FREM2: variants seen among roughly 807,000 people sequenced by gnomAD.
The protein encoded by FREM2 is FRAS1 related extracellular matrix 2, also known as FRAS1-related extracellular matrix protein 2.
FREM2 carries 119 observed loss-of-function variants against 219.9 expected under a neutral mutation model. The ratio of observed to expected loss-of-function variants is 0.54; its 90% CI spans 0.47 to 0.63. The LOEUF is 0.63. Among genes scored for constraint, FREM2 ranks in the 30% least tolerant of loss-of-function variants. The pLI, the probability that FREM2 is intolerant of heterozygous loss-of-function variation, is 0.00. For missense variants in FREM2, 4,030 were observed against 3,993.6 expected (o/e 1.01, Z -0.25); for synonymous variants, 1,562 against 1,522.8 (o/e 1.03, Z -0.60).
chr13:38,846,474 T>A (rs915304526), intron 6 of FREM2, 99 bp from the exon 7 acceptor site: 4 of 1,217,288 alleles, frequency 3.3e-6, no homozygotes, highest in Non-Finnish European at 4.8e-6. Context: ...TATAAGGAAG[T>A]CCCTAAGAGG....
chr13:38,688,252 T>A lies in FREM2; in HGVS notation c.908T>A (p.Phe303Tyr). ...VGSPALKREHFQVLVRIRGGA... is the reference protein window; with the variant it reads ...VGSPALKREHYQVLVRIRGGA... Reference sequence around the variant, plus strand: ...AGCCCTGCTTTGAAACGCGAGCACTTCCAGGTTCTGGTGAGGATCCGAGGA... The same window carrying A: ...AGCCCTGCTTTGAAACGCGAGCACTACCAGGTTCTGGTGAGGATCCGAGGA... Residue 303 changes from phenylalanine to tyrosine, a missense_variant, in exon 1 of 24, where the codon TTC becomes TAC. Physicochemically the swap from Phe to Tyr is conservative, Grantham distance 22. Transcript: ENST00000280481. 1 of 1,613,954 alleles carries A rather than the reference T, an allele frequency of 6.2e-7. No individual in the cohort carries two copies. The highest frequency in any genetic ancestry group is 8.5e-7 in the Non-Finnish European group (1 of 1,180,016).
At position 38,690,402 on chromosome 13, in the gene FREM2, A is replaced by C; in HGVS notation, c.3058A>C (p.Ser1020Arg). ...LEGSVVYTHT[S>R]GEIGLLPKAD... ...GGGCTCTGTTGTATATACCCACACCAGTGGTGAGATAGGCCTATTGCCTAA... is the reference window on the plus strand; with the variant it reads ...GGGCTCTGTTGTATATACCCACACCCGTGGTGAGATAGGCCTATTGCCTAA... The change falls in exon 1 of 24, where the codon AGT becomes CGT. Residue 1020 changes from serine to arginine, a missense_variant. Physicochemically the swap from Ser to Arg is moderately radical, Grantham distance 110 (BLOSUM62 -1). Coordinates refer to ENST00000280481, the MANE Select transcript of FREM2 (RefSeq NM_207361.6). 2 of 1,614,146 alleles carry C rather than the reference A, an allele frequency of 1.2e-6. No homozygotes were observed. Among genetic ancestry groups the C allele is most frequent in the East Asian group, 2.2e-5 (1 of 44,878 alleles).
At chr13:38,703,653 TATAA>T (rs1295650004) in intron 2 of FREM2, among the ~76,000 whole-genome samples, 4 of 152,220 alleles carry the variant, frequency 2.6e-5, no homozygotes, top group African/African-American at 9.6e-5. Context: ...GATAGAAAAG[TATAA>T]ACTCAAGTTT....
chr13:38,746,990 G>C (rs1361287623), intron 2 of FREM2, among the ~76,000 whole-genome samples: 1 of 152,104 alleles, frequency 6.6e-6, no homozygotes, highest in Non-Finnish European at 1.5e-5. Context: ...AGATATTCTA[G>C]TGCAGACCTT....
At chr13:38,827,380 C>T (rs1188666364) in intron 6 of FREM2, 1 of 152,114 alleles carries the variant, frequency 6.6e-6, no homozygotes, top group Non-Finnish European at 1.5e-5. Flanking sequence ...ATTACATTAA[C>T]TATGATGTTA....
intron 2 of FREM2, among the ~76,000 whole-genome samples, chr13:38,755,037 A>G (rs1050431391): frequency 6.6e-6 from 1 of 151,564 alleles, no homozygotes. Flanking sequence ...TGAGTATTTG[A>G]GATTACAGGC....
At position 38,691,311 on chromosome 13, in the gene FREM2, A is replaced by G. The variant is rs371827710; in HGVS notation, c.3967A>G (p.Asn1323Asp). Residue 1323 changes from asparagine (N) to aspartate (D), a missense_variant, in exon 1 of 24, where the codon AAC becomes GAC. Transcript: ENST00000280481. ...EIEIGDTKIINNKILMATDLD... is the reference protein window; with the variant it reads ...EIEIGDTKIIDNKILMATDLD... ...AGAAATTGGGGATACCAAGATTATCAACAACAAAATATTAATGGCAACAGA... is the reference window on the plus strand; with the variant it reads ...AGAAATTGGGGATACCAAGATTATCGACAACAAAATATTAATGGCAACAGA... 8.7e-6 allele frequency: 14 copies of G among 1,614,004 alleles called. No homozygotes were observed. Among genetic ancestry groups the G allele is most frequent in the Non-Finnish European group, 1.1e-5 (13 of 1,179,958 alleles).
chr13:38,850,390 G>A (rs1482975033), intron 9 of FREM2, among the ~76,000 whole-genome samples, 155 bp downstream of exon 9: 1 of 152,186 alleles, frequency 6.6e-6, no homozygotes, highest in Non-Finnish European at 1.5e-5. Context: ...ATTTTTAACA[G>A]GTTGAATGAA....
chr13:38,848,690 A>C lies in FREM2; in HGVS notation c.6379+20A>C, dbSNP rs778669319. On this transcript the variant is annotated intron_variant, in intron 8 of 23. Coordinates refer to ENST00000280481, the MANE Select transcript of FREM2 (RefSeq NM_207361.6). Reference sequence around the variant, plus strand: ...CCGATTGTGAGTGTTTATTAATTTTATAATTTACAATGATAATTGAAATCA... The same window carrying C: ...CCGATTGTGAGTGTTTATTAATTTTCTAATTTACAATGATAATTGAAATCA... 1.9e-5 allele frequency: 30 copies of C among 1,553,880 alleles called. No homozygotes were observed. Among genetic ancestry groups the C allele is most frequent in the Admixed American group, 3.4e-5 (2 of 59,220 alleles).
At chr13:38,697,120 G>A (rs987137219) in intron 1 of FREM2, among the ~76,000 whole-genome samples, 10 of 152,062 alleles carry the variant, frequency 6.6e-5, no homozygotes, top group African/African-American at 2.4e-4. Flanking sequence ...TTTATTAGAT[G>A]TTTTTTGTTC....
At chr13:38,818,270 A>G (rs954600513) in intron 6 of FREM2, among the ~76,000 whole-genome samples, 1 of 152,162 alleles carries the variant, frequency 6.6e-6, no homozygotes, top group Non-Finnish European at 1.5e-5. Flanking sequence ...TAGCTAAGAT[A>G]TGGACTCAAC....
chr13:38,825,884 T>C (rs1876262630), intron 6 of FREM2, among the ~76,000 whole-genome samples: 1 of 152,170 alleles, frequency 6.6e-6, no homozygotes, highest in South Asian at 2.1e-4. Flanking sequence ...TTTAAAAATA[T>C]ATTAGACAGG....
intron 3 of FREM2, among the ~76,000 whole-genome samples, chr13:38,766,808 C>G (rs191806405): frequency 6.6e-6 from 1 of 152,188 alleles, no homozygotes; most frequent in Non-Finnish European, 1.5e-5. Flanking sequence ...GTACTTCATA[C>G]GTACATTAAG....
At chr13:38,834,926 T>C (rs1876651310) in intron 6 of FREM2, among the ~76,000 whole-genome samples, 1 of 152,236 alleles carries the variant, frequency 6.6e-6, no homozygotes, top group Non-Finnish European at 1.5e-5. Context: ...ATAGTTTCTT[T>C]TGCTGTGCAG....
chr13:38,780,250 A>G (rs552893719), intron 4 of FREM2, among the ~76,000 whole-genome samples: 1 of 152,298 alleles, frequency 6.6e-6, no homozygotes, highest in South Asian at 2.1e-4. Flanking sequence ...AGTCTTCCTC[A>G]CCTGTATACC....
At chr13:38,825,434 T>TAA (rs5802957) in intron 6 of FREM2, among the ~76,000 whole-genome samples, 5 of 151,310 alleles carry the variant, frequency 3.3e-5, no homozygotes, top group African/African-American at 1.2e-4. Context: ...CCTTATTTAT[T>TAA]AAAAAAAAAC....
chr13:38,832,054 C>A (rs1876531998), intron 6 of FREM2, among the ~76,000 whole-genome samples: 1 of 152,060 alleles, frequency 6.6e-6, no homozygotes, highest in African/African-American at 2.4e-5. Context: ...GTGGCTCACG[C>A]CTGTAATCCT....
intron 7 of FREM2, among the ~76,000 whole-genome samples, chr13:38,847,418 T>G (rs1877206372): frequency 6.6e-6 from 1 of 152,320 alleles, no homozygotes; most frequent in East Asian, 1.9e-4. Context: ...TATACCATTT[T>G]AAAAGTCACC....
At chr13:38,774,767 A>G (rs1033649271) in intron 4 of FREM2, among the ~76,000 whole-genome samples, 2 of 152,180 alleles carry the variant, frequency 1.3e-5, no homozygotes, top group Non-Finnish European at 2.9e-5. Flanking sequence ...ATGGAGTTCT[A>G]TATACATTTA....
Sources: gnomAD v4.1 joint callset for allele counts (sites outside exome capture counted in the v4.1 genomes callset) on GRCh38, gnomAD v4.1.1 for gene constraint, MANE v1.5 for transcripts, NCBI Gene and HGNC (gene_info 2026-07-23, HGNC 2026-07-21) for gene names.